Variants in CSMD1 observed in about 807,000 individuals in gnomAD.
The protein encoded by CSMD1 is CUB and Sushi multiple domains 1, also known as CUB and sushi domain-containing protein 1.
Under a neutral mutation model 417.5 loss-of-function variants are expected in CSMD1, and 213 were observed. The observed-to-expected ratio is 0.51, with a 90% CI of 0.46 to 0.57. The LOEUF (loss-of-function observed/expected upper bound fraction) is 0.57. Ranked by LOEUF, CSMD1 falls within the 20% of genes least tolerant of loss-of-function variation. The probability of loss-of-function intolerance (pLI) is 0.00; values close to 1 mark genes in which losing one functional copy is unlikely to be tolerated. For synonymous variants in CSMD1, 2,862 were observed against 1,736.8 expected (o/e 1.65, Z -16.11); for missense variants, 6,923 against 4,529.7 (o/e 1.53, Z -15.17).
chr8:4,190,697 T>C (rs1185055608), intron 3 of CSMD1, among the ~76,000 whole-genome samples: 1 of 152,106 alleles, frequency 6.6e-6, no homozygotes. Context: ...CATTATGAAT[T>C]AACAAACATT....
intron 2 of CSMD1, among the ~76,000 whole-genome samples, chr8:4,622,432 T>C (rs780045237): frequency 6.6e-6 from 1 of 151,998 alleles, no homozygotes; most frequent in Non-Finnish European, 1.5e-5. Context: ...AGCAAAACTA[T>C]GGAGATGATT....
At chr8:4,526,445 A>T (rs780918608) in intron 2 of CSMD1, among the ~76,000 whole-genome samples, 1 of 152,234 alleles carries the variant, frequency 6.6e-6, no homozygotes, top group Non-Finnish European at 1.5e-5. Context: ...AAAAACTATA[A>T]AATAATTGCT....
chr8:4,492,306 TCTCAAACTCCTCGC>T (rs1801745796), intron 2 of CSMD1, among the ~76,000 whole-genome samples: 1 of 152,136 alleles, frequency 6.6e-6, no homozygotes, highest in Admixed American at 6.6e-5. Context: ...CCCAGGATGG[TCTCAAACTCCTCGC>T]CTCAGGTGAT....
intron 1 of CSMD1, among the ~76,000 whole-genome samples, chr8:4,814,041 G>C (rs913137868): frequency 6.6e-6 from 1 of 152,220 alleles, no homozygotes; most frequent in South Asian, 2.1e-4. Context: ...AAAGGAGAAA[G>C]TAATGTACAG....
intron 3 of CSMD1, among the ~76,000 whole-genome samples, chr8:4,121,756 T>G (rs1802499659): frequency 6.6e-6 from 1 of 152,094 alleles, no homozygotes; most frequent in African/African-American, 2.4e-5. Flanking sequence ...AGCATTAATT[T>G]GCACAAAATT....
chr8:4,909,195 G>T (rs143067419), intron 1 of CSMD1, among the ~76,000 whole-genome samples: 1 of 152,244 alleles, frequency 6.6e-6, no homozygotes, highest in Admixed American at 6.5e-5. Context: ...TTATAATGCA[G>T]GAGGCCTGTT....
intron 1 of CSMD1, among the ~76,000 whole-genome samples, chr8:4,772,741 C>G (rs544625700): frequency 6.6e-6 from 1 of 152,280 alleles, no homozygotes; most frequent in African/African-American, 2.4e-5. Flanking sequence ...GAAGTGGATT[C>G]AGATCCCGGA....
intron 10 of CSMD1, among the ~76,000 whole-genome samples, chr8:3,538,417 G>A (rs1798294729): frequency 6.6e-6 from 1 of 152,058 alleles, no homozygotes; most frequent in South Asian, 2.1e-4. Flanking sequence ...CACCTAAAAT[G>A]GTGCACTTGA....
chr8:3,867,501 AT>A (rs1805183802), intron 5 of CSMD1, among the ~76,000 whole-genome samples: 1 of 152,196 alleles, frequency 6.6e-6, no homozygotes, highest in Non-Finnish European at 1.5e-5. Flanking sequence ...GGGTGTCAGA[AT>A]AAAACAGATA....
chr8:4,042,896 G>A (rs1232143573), intron 3 of CSMD1, among the ~76,000 whole-genome samples: 1 of 147,834 alleles, frequency 6.8e-6, no homozygotes, highest in Non-Finnish European at 1.5e-5. Flanking sequence ...GGGAGGCTGA[G>A]GTGGGAAGAT....
At chr8:4,888,368 A>G (rs909351476) in intron 1 of CSMD1, among the ~76,000 whole-genome samples, 52 of 152,092 alleles carry the variant, frequency 3.4e-4, no homozygotes, top group African/African-American at 1.2e-3. Context: ...CCTTTTTTAA[A>G]AAATGAGGAG....
intron 2 of CSMD1, among the ~76,000 whole-genome samples, chr8:4,633,907 G>A (rs958079649): frequency 2.0e-5 from 3 of 151,714 alleles, no homozygotes; most frequent in Admixed American, 2.0e-4. Flanking sequence ...TGACTGCATG[G>A]TTGGACCTTA....
rs59375624 is a variant in CSMD1 at position 4,429,220 on chromosome 8, A to C, written c.303-9155T>G. 2.3e-3 allele frequency among the ~76,000 whole-genome samples: 354 copies of C among 151,930 alleles called. 3 individuals carry two copies. Among genetic ancestry groups the C allele is most frequent in the African/African-American group, 8.3e-3 (345 of 41,478 alleles). Reference sequence around the variant, plus strand: ...AGGATCATGCCTGCCTTACACGAATATCTGGTTATGTTTTAAAAACATCAT... The same window carrying C: ...AGGATCATGCCTGCCTTACACGAATCTCTGGTTATGTTTTAAAAACATCAT... On this transcript the variant is annotated intron_variant, in intron 2 of 69. Coordinates refer to ENST00000635120, the MANE Select transcript of CSMD1 (RefSeq NM_033225.6).
intron 7 of CSMD1, among the ~76,000 whole-genome samples, chr8:3,676,746 A>G (rs1241569539): frequency 1.3e-5 from 2 of 152,202 alleles, no homozygotes; most frequent in Non-Finnish European, 2.9e-5. Context: ...TATAATAAAC[A>G]TAGCAAACAC....
intron 12 of CSMD1, among the ~76,000 whole-genome samples, chr8:3,450,975 T>G (rs1815672777): frequency 6.6e-6 from 1 of 152,160 alleles, no homozygotes; most frequent in African/African-American, 2.4e-5. Context: ...CTCCAGCACC[T>G]GTTGTTTCCT....
At chr8:2,985,411 G>C (rs909343073) in intron 54 of CSMD1, among the ~76,000 whole-genome samples, 22 of 151,946 alleles carry the variant, frequency 1.4e-4, no homozygotes, top group African/African-American at 5.3e-4. Flanking sequence ...CACCACGTGA[G>C]GGAGGAGACT....
chr8:3,347,991 C>G lies in CSMD1; in HGVS notation c.3474+1G>C. On this transcript the variant is annotated splice_donor_variant, in intron 22 of 69. Coordinates refer to ENST00000635120, the MANE Select transcript of CSMD1 (RefSeq NM_033225.6). LOFTEE classifies it high-confidence loss of function. ...ATCATGTTGGAGAAGATTCTTTTTACCTTTAGAGTATCTCCTTCAAACAGC... is the reference window on the plus strand; with the variant it reads ...ATCATGTTGGAGAAGATTCTTTTTAGCTTTAGAGTATCTCCTTCAAACAGC... 2 of 1,577,082 alleles carry G rather than the reference C, an allele frequency of 1.3e-6. No homozygotes were observed. The highest frequency in any genetic ancestry group is 1.7e-6 in the Non-Finnish European group (2 of 1,163,418).
chr8:4,177,050 G>A (rs1248667317), intron 3 of CSMD1, among the ~76,000 whole-genome samples: 1 of 152,096 alleles, frequency 6.6e-6, no homozygotes, highest in Non-Finnish European at 1.5e-5. Context: ...GGATATCCAG[G>A]AATTGAACTC....
chr8:4,135,234 G>C (rs1339169451), intron 3 of CSMD1, among the ~76,000 whole-genome samples: 5 of 151,786 alleles, frequency 3.3e-5, no homozygotes, highest in African/African-American at 4.8e-5. Context: ...CTGTCCCATG[G>C]GAATATATTT....
Sources: gnomAD v4.1 joint callset for allele counts (sites outside exome capture counted in the v4.1 genomes callset) on GRCh38, gnomAD v4.1.1 for gene constraint, MANE v1.5 for transcripts, NCBI Gene and HGNC (gene_info 2026-07-23, HGNC 2026-07-21) for gene names.